Variants in DNAH17 observed in about 807,000 individuals in gnomAD.
DNAH17 encodes the protein axonemal beta dynein heavy chain 17.
DNAH17 carries 376 observed loss-of-function variants against 485.6 expected under a neutral mutation model. That is an observed-to-expected ratio of 0.77 (90% CI 0.71 to 0.84). DNAH17 has a LOEUF of 0.84. Ranked by LOEUF, DNAH17 falls within the 40% of genes least tolerant of loss-of-function variation. DNAH17 has a pLI of 0.00. For missense variants in DNAH17, 6,370 were observed against 5,839.3 expected (o/e 1.09, Z -2.96); for synonymous variants, 3,031 against 2,405.9 (o/e 1.26, Z -7.60).
chr17:78,514,384 G>A (rs1051418430), intron 26 of DNAH17, among the ~76,000 whole-genome samples: 2 of 151,234 alleles, frequency 1.3e-5, no homozygotes, highest in Non-Finnish European at 2.9e-5. Context: ...GGGTGCCTGT[G>A]GTCCCAGCTA....
chr17:78,431,523 G>T (rs1421489034), intron 75 of DNAH17, among the ~76,000 whole-genome samples: 1 of 151,558 alleles, frequency 6.6e-6, no homozygotes, highest in African/African-American at 2.4e-5. Context: ...GTTGCTCTGT[G>T]TTTCAAAGCA....
rs199635340 is a variant in DNAH17, at chr17:78,495,070, G to A, written c.5931C>T (p.Phe1977=). 4.8e-5 allele frequency: 78 copies of A among 1,610,206 alleles called. No individual in the cohort carries two copies. The highest frequency in any genetic ancestry group is 2.5e-4 in the Admixed American group (15 of 59,586). ...FRPCAMVVPD[F]ELICEIMLMA... is the part of the protein sequence containing the mutation. ...TGAGCATGATCTCACATATCAGTTC[G>A]AAGTCGGGGACGACCATGGCACAGG... Residue 1977 remains phenylalanine (F), a synonymous_variant, in exon 39 of 81, where the codon TTC becomes TTT. Transcript: ENST00000389840.
rs1358723887 is a variant in DNAH17, at chr17:78,503,338, C to G, written c.4957-327G>C. Among the ~76,000 whole-genome samples the G allele has an allele frequency of 3.2e-5, 3 of 92,586 alleles. No individual in the cohort carries two copies. The Admixed American group carries it at 3.9e-4, about 12-fold the overall frequency. 60.7% of individuals were successfully genotyped at this position (92,586 alleles called of 152,430 possible). The stretch of plus-strand genomic sequence containing the variant: ...GGGACTACAGGCGCCCGCCCCCACT[C>G]CCGGCATTTTTTTTTTTTTTGTATT... On this transcript the variant is annotated intron_variant, in intron 31 of 80. Coordinates refer to ENST00000389840, the MANE Select transcript of DNAH17 (RefSeq NM_173628.4).
At chr17:78,470,771 A>G (rs1598510969) in intron 54 of DNAH17, among the ~76,000 whole-genome samples, 1 of 152,214 alleles carries the variant, frequency 6.6e-6, no homozygotes. Context: ...AAAGAAAAAA[A>G]TCTTAAATGG....
At chr17:78,472,059 G>A (rs1293956202) in intron 54 of DNAH17, among the ~76,000 whole-genome samples, 2 of 152,152 alleles carry the variant, frequency 1.3e-5, no homozygotes, top group Non-Finnish European at 2.9e-5. Context: ...GACGGCAATC[G>A]TCACCTGTAT....
chr17:78,473,561 A>AG lies in DNAH17; in HGVS notation c.8511+1716_8511+1717insC, dbSNP rs937677463. Among the ~76,000 whole-genome samples, 10 of 151,302 alleles carry AG rather than the reference A, an allele frequency of 6.6e-5. 1 individual carries two copies. The South Asian group carries it at 1.0e-3, about 16-fold the overall frequency. ...TCTGTCTCAAAAAAAAAAAAAAAAA[A>AG]AAAAGAAATGACAGTGATAGCAAAG... On this transcript the variant is annotated intron_variant, in intron 54 of 80. Coordinates refer to ENST00000389840, the MANE Select transcript of DNAH17 (RefSeq NM_173628.4).
intron 76 of DNAH17, 75 bp from the exon 77 acceptor site, chr17:78,428,782 C>A: frequency 6.4e-7 from 1 of 1,551,514 alleles, no homozygotes; most frequent in Non-Finnish European, 8.8e-7. Flanking sequence ...GTTAAGCATT[C>A]CTTGCCAGAA....
intron 25 of DNAH17, among the ~76,000 whole-genome samples, chr17:78,516,971 C>T (rs943060569): frequency 4.6e-5 from 7 of 152,192 alleles, no homozygotes; most frequent in African/African-American, 1.7e-4. Context: ...TAATTTTCCT[C>T]AAATGAGTTA....
At chr17:78,497,162 T>G (rs751462911) in intron 37 of DNAH17, 1 of 152,212 alleles carries the variant, frequency 6.6e-6, no homozygotes, top group Non-Finnish European at 1.5e-5. Context: ...TCAGACAGTC[T>G]TGAAGGCCAA....
chr17:78,480,867 C>T (rs2089317557), intron 48 of DNAH17, 81 bp from the exon 49 acceptor site: 3 of 930,688 alleles, frequency 3.2e-6, no homozygotes, highest in Non-Finnish European at 5.1e-6. Context: ...CCCAAGAATG[C>T]CCTCCTTATT....
At chr17:78,505,251 C>T (rs2090450183) in intron 31 of DNAH17, 42 bp downstream of exon 31, 1 of 1,611,582 alleles carries the variant, frequency 6.2e-7, no homozygotes, top group East Asian at 2.2e-5. Flanking sequence ...GCGTGCTGCA[C>T]CCTTGTCCTG....
At chr17:78,460,452 G>A (rs1406908328) in intron 58 of DNAH17, among the ~76,000 whole-genome samples, 195 bp from the exon 59 acceptor site, 2 of 152,262 alleles carry the variant, frequency 1.3e-5, no homozygotes, top group Non-Finnish European at 2.9e-5. Flanking sequence ...ATGTGCATGT[G>A]TAGGCAGCAG....
chr17:78,531,944 TGA>T (rs1365286930), intron 20 of DNAH17, among the ~76,000 whole-genome samples: 1 of 152,238 alleles, frequency 6.6e-6, no homozygotes, highest in Non-Finnish European at 1.5e-5. Flanking sequence ...TAGTCAATTT[TGA>T]GAGACAACAA....
intron 68 of DNAH17, 120 bp from the exon 69 acceptor site, chr17:78,449,704 G>C (rs1328468282): frequency 4.8e-6 from 5 of 1,036,686 alleles, no homozygotes; most frequent in African/African-American, 1.6e-5. Context: ...TTGAGACAGA[G>C]TCTTGCTCTG....
chr17:78,427,384 G>T (rs901766942), intron 77 of DNAH17, among the ~76,000 whole-genome samples: 1 of 152,214 alleles, frequency 6.6e-6, no homozygotes, highest in Non-Finnish European at 1.5e-5. Context: ...TGCCTCATTT[G>T]TTCATTCCCA....
Position 78,475,365 on chromosome 17 carries a change from C to G in DNAH17, c.8424G>C (p.Gln2808His), listed in dbSNP as rs1196288135. 3 of 1,613,898 alleles carry G rather than the reference C, an allele frequency of 1.9e-6. No individual in the cohort carries two copies. Among genetic ancestry groups the G allele is most frequent in the South Asian group, 2.2e-5 (2 of 91,090 alleles). Residue 2808 changes from glutamine (Q) to histidine (H), a missense_variant, in exon 54 of 81, where the codon CAG becomes CAC. Transcript: ENST00000389840. ...TGTACGCTGCCAGGCGGGAGAGGCT[C>G]TGTTTGCCACTGCCGCCCACCCCCA... is the stretch of plus-strand genomic sequence containing the variant. Reference protein sequence around the residue: ...LLVGVGGSGKQSLSRLAAYIS... With the variant: ...LLVGVGGSGKHSLSRLAAYIS...
chr17:78,521,799 C>G (rs1158319210), intron 25 of DNAH17, among the ~76,000 whole-genome samples: 1 of 152,146 alleles, frequency 6.6e-6, no homozygotes, highest in Non-Finnish European at 1.5e-5. Flanking sequence ...CCAGCCTGGT[C>G]AACATGATGA....
chr17:78,499,903 T>TA (rs974360895), intron 36 of DNAH17: 19 of 165,648 alleles, frequency 1.1e-4, no homozygotes, highest in Non-Finnish European at 2.2e-4. Context: ...GTGCAGGCTC[T>TA]AATGACTGAT....
In DNAH17 at chr17:78,526,940, G is replaced by A. The variant is rs967512462; in HGVS notation, c.3564C>T (p.Thr1188=). 40 of 1,588,490 alleles carry A rather than the reference G, an allele frequency of 2.5e-5. No homozygotes were observed. The highest frequency in any genetic ancestry group is 6.7e-5 in the African/African-American group (5 of 74,462). Residue 1188 remains threonine, a synonymous_variant, in exon 23 of 81, where the codon ACC becomes ACT. Transcript: ENST00000389840. ...TKKLAIQVKL[T]VAPLQANEVS... is the part of the protein sequence containing the mutation. ...CCTCGTTGGCCTGGAGTGGTGCCACGGTCAGCTTCACCTGAATGGCCAGTT... is the reference window on the plus strand; with the variant it reads ...CCTCGTTGGCCTGGAGTGGTGCCACAGTCAGCTTCACCTGAATGGCCAGTT...
Sources: gnomAD v4.1 joint callset for allele counts (sites outside exome capture counted in the v4.1 genomes callset) on GRCh38, gnomAD v4.1.1 for gene constraint, MANE v1.5 for transcripts, NCBI Gene and HGNC (gene_info 2026-07-23, HGNC 2026-07-21) for gene names.